The following CACNA2D1 variants were observed in gnomAD, a reference collection of about 807,000 sequenced individuals.
CACNA2D1 encodes calcium voltage-gated channel auxiliary subunit alpha2delta 1, also known as voltage-dependent calcium channel subunit alpha-2/delta-1.
CACNA2D1 carries 53 observed loss-of-function variants against 171.5 expected under a neutral mutation model. That is an observed-to-expected ratio of 0.31 (90% CI 0.25 to 0.39). CACNA2D1 has a LOEUF of 0.39. Ranked by LOEUF, CACNA2D1 falls within the 10% of genes least tolerant of loss-of-function variation. The pLI, the probability that CACNA2D1 is intolerant of heterozygous loss-of-function variation, is 1.00. For synonymous variants in CACNA2D1, 442 were observed against 443.1 expected, an observed-to-expected ratio of 1.00 and a Z score of 0.03; for missense variants, 903 against 1,299.8, an observed-to-expected ratio of 0.69 and a Z score of 4.69.
intron 3 of CACNA2D1, among the ~76,000 whole-genome samples, chr7:82,197,287 A>T (rs1798947055): frequency 6.6e-6 from 1 of 152,024 alleles, no homozygotes; most frequent in Non-Finnish European, 1.5e-5. Flanking sequence ...AGGAACAGGA[A>T]ATTTTACATT....
chr7:82,108,222 A>C (rs1251996388), intron 6 of CACNA2D1, among the ~76,000 whole-genome samples: 1 of 152,208 alleles, frequency 6.6e-6, no homozygotes, highest in Non-Finnish European at 1.5e-5. Context: ...ATATATGAAA[A>C]ATATTGGGTA....
intron 3 of CACNA2D1, among the ~76,000 whole-genome samples, chr7:82,179,240 C>G (rs1796871109): frequency 6.6e-6 from 1 of 151,924 alleles, no homozygotes; most frequent in Admixed American, 6.6e-5. Context: ...AGACCTTATT[C>G]AGTTACCTTA....
chr7:81,959,465 C>T, intron 37 of CACNA2D1, 108 bp from the exon 38 acceptor site: 1 of 810,528 alleles, frequency 1.2e-6, no homozygotes, highest in Non-Finnish European at 2.1e-6. Flanking sequence ...ACTTATACAT[C>T]ATTACTCTCA....
At chr7:82,004,909 T>C (rs934750959) in intron 18 of CACNA2D1, among the ~76,000 whole-genome samples, 4 of 152,104 alleles carry the variant, frequency 2.6e-5, no homozygotes, top group Non-Finnish European at 5.9e-5. Context: ...AATAAATACT[T>C]CCCATTTCTG....
intron 1 of CACNA2D1, among the ~76,000 whole-genome samples, chr7:82,369,378 G>T: frequency 6.6e-6 from 1 of 151,276 alleles, no homozygotes; most frequent in East Asian, 1.9e-4. Context: ...TCTAGTATAT[G>T]GACTACTGCA....
chr7:82,191,553 TA>T (rs1191096973), intron 3 of CACNA2D1, among the ~76,000 whole-genome samples: 1 of 151,824 alleles, frequency 6.6e-6, no homozygotes, highest in Admixed American at 6.6e-5. Context: ...TTACCCCGTG[TA>T]AAATCTTTGG....
chr7:81,992,123 G>A (rs889756290), intron 20 of CACNA2D1, among the ~76,000 whole-genome samples: 1 of 151,642 alleles, frequency 6.6e-6, no homozygotes, highest in Non-Finnish European at 1.5e-5. Flanking sequence ...GATTACAGGA[G>A]TGAGCCACCG....
At chr7:82,379,277 A>C (rs555086139) in intron 1 of CACNA2D1, among the ~76,000 whole-genome samples, 1 of 151,894 alleles carries the variant, frequency 6.6e-6, no homozygotes, top group Non-Finnish European at 1.5e-5. Context: ...ATTTCAAAGC[A>C]TAGATCACAA....
intron 4 of CACNA2D1, 115 bp from the exon 5 acceptor site, chr7:82,136,791 A>G: frequency 1.3e-6 from 1 of 744,184 alleles, no homozygotes; most frequent in East Asian, 2.7e-5. Context: ...CTTTCACAAT[A>G]TATTCCACAA....
chr7:82,131,568 C>A (rs964315344), intron 5 of CACNA2D1, among the ~76,000 whole-genome samples: 1 of 152,096 alleles, frequency 6.6e-6, no homozygotes, highest in Non-Finnish European at 1.5e-5. Flanking sequence ...GGATATTAAT[C>A]CCCATTGAAA....
chr7:82,250,282 T>C (rs998935019), intron 3 of CACNA2D1, among the ~76,000 whole-genome samples: 4 of 152,208 alleles, frequency 2.6e-5, no homozygotes, highest in Admixed American at 2.0e-4. Context: ...CAGTAGTAAG[T>C]AATGGGCAAA....
intron 6 of CACNA2D1, among the ~76,000 whole-genome samples, chr7:82,111,366 A>G (rs555474413): frequency 2.5e-5 from 3 of 120,262 alleles, no homozygotes; most frequent in African/African-American, 5.6e-5. Context: ...GTATATATGT[A>G]TATATATATT....
At chr7:82,431,791 G>A (rs966549762) in intron 1 of CACNA2D1, among the ~76,000 whole-genome samples, 1 of 83,166 alleles carries the variant, frequency 1.2e-5, no homozygotes, top group African/African-American at 7.8e-5. Context: ...TGTAACCCCA[G>A]CACTTTGGAG....
chr7:82,126,218 TC>T (rs1011924212), intron 5 of CACNA2D1, among the ~76,000 whole-genome samples: 2 of 152,156 alleles, frequency 1.3e-5, no homozygotes, highest in Non-Finnish European at 2.9e-5. Context: ...TAGCTAGCAC[TC>T]CAGTATATAA....
At chr7:82,379,879 C>A (rs1823498201) in intron 1 of CACNA2D1, among the ~76,000 whole-genome samples, 2 of 152,224 alleles carry the variant, frequency 1.3e-5, no homozygotes, top group East Asian at 1.9e-4. Context: ...TTCCTCCAAT[C>A]TTTGTTATAA....
At chr7:82,073,768 T>C (rs2128995770) in intron 7 of CACNA2D1, among the ~76,000 whole-genome samples, 1 of 152,106 alleles carries the variant, frequency 6.6e-6, no homozygotes, top group East Asian at 1.9e-4. Flanking sequence ...ACCCGGCTAA[T>C]TTTTGTATTT....
chr7:82,141,758 T>G (rs1792425350), intron 4 of CACNA2D1, among the ~76,000 whole-genome samples: 1 of 152,194 alleles, frequency 6.6e-6, no homozygotes, highest in African/African-American at 2.4e-5. Context: ...AGTTGAGAAT[T>G]AACAATTTTA....
chr7:82,267,685 T>C (rs982140923), intron 3 of CACNA2D1, among the ~76,000 whole-genome samples: 2 of 152,030 alleles, frequency 1.3e-5, no homozygotes, highest in Non-Finnish European at 2.9e-5. Flanking sequence ...AAACGAAAGC[T>C]TTTGAAAGCC....
At chr7:82,094,289 C>A (rs575344558) in intron 6 of CACNA2D1, among the ~76,000 whole-genome samples, 5 of 151,764 alleles carry the variant, frequency 3.3e-5, no homozygotes, top group Non-Finnish European at 7.4e-5. Context: ...AGATTAATAC[C>A]GAATCATAAT....
Sources: gnomAD v4.1 joint callset for allele counts (sites outside exome capture counted in the v4.1 genomes callset) on GRCh38, gnomAD v4.1.1 for gene constraint, MANE v1.5 for transcripts, NCBI Gene and HGNC (gene_info 2026-07-23, HGNC 2026-07-21) for gene names.